The following HECTD2 variants were observed in gnomAD, a reference collection of about 807,000 sequenced individuals.
HECTD2 encodes the protein probable E3 ubiquitin-protein ligase HECTD2.
Under a neutral mutation model 103.2 loss-of-function variants are expected in HECTD2, and 35 were observed. The observed-to-expected ratio is 0.34, with a 90% CI of 0.26 to 0.45. The LOEUF is 0.45. Ranked by LOEUF, HECTD2 falls within the 20% of genes least tolerant of loss-of-function variation. The probability of loss-of-function intolerance (pLI) is 1.00; values close to 1 mark genes in which losing one functional copy is unlikely to be tolerated. For missense variants in HECTD2, 596 were observed against 937.4 expected, an observed-to-expected ratio of 0.64 and a Z score of 4.76; for synonymous variants, 281 against 329.9, an observed-to-expected ratio of 0.85 and a Z score of 1.61.
intron 20 of HECTD2, among the ~76,000 whole-genome samples, chr10:91,511,750 G>A (rs988400992): frequency 2.0e-5 from 3 of 152,108 alleles, no homozygotes; most frequent in Admixed American, 1.3e-4. Context: ...AGTAATGCTC[G>A]CCTGCCACTC....
chr10:91,415,634 A>G (rs1342361785), intron 1 of HECTD2, among the ~76,000 whole-genome samples: 1 of 152,094 alleles, frequency 6.6e-6, no homozygotes, highest in African/African-American at 2.4e-5. Context: ...GATGTTTCCG[A>G]CTCATGTTCT....
chr10:91,488,481 G>GT (rs1158295787), intron 11 of HECTD2: 6 of 152,020 alleles, frequency 3.9e-5, no homozygotes, highest in Non-Finnish European at 8.8e-5. Context: ...TAAACTATTT[G>GT]TTTAAGTGCT....
chr10:91,501,102 A>G (rs949876134), intron 19 of HECTD2, 89 bp from the exon 20 acceptor site: 1 of 1,114,224 alleles, frequency 9.0e-7, no homozygotes, highest in Non-Finnish European at 1.3e-6. Flanking sequence ...TGCTTAAGGA[A>G]AGTCCTTTCC....
intron 11 of HECTD2, among the ~76,000 whole-genome samples, chr10:91,490,465 C>G (rs1048565087): frequency 6.6e-6 from 1 of 152,024 alleles, no homozygotes; most frequent in Non-Finnish European, 1.5e-5. Flanking sequence ...GTAAAGTAGA[C>G]TAATTGTACC....
intron 2 of HECTD2, among the ~76,000 whole-genome samples, chr10:91,441,772 T>C (rs1844393640): frequency 9.8e-6 from 1 of 102,166 alleles, no homozygotes; most frequent in Non-Finnish European, 1.9e-5. Flanking sequence ...GTATTTAGGA[T>C]AGTTAATTCT....
chr10:91,462,900 T>A (rs1397882196), intron 5 of HECTD2: 1 of 310,350 alleles, frequency 3.2e-6, no homozygotes, highest in Non-Finnish European at 4.7e-6. Flanking sequence ...CTCTTGGTAA[T>A]GTTTTGTAGT....
At position 91,485,160 on chromosome 10, in the gene HECTD2, G is replaced by C; in HGVS notation, c.971-20G>C. The C allele has an allele frequency of 6.7e-7, 1 of 1,491,500 alleles. No homozygotes were observed. Among genetic ancestry groups the C allele is most frequent in the Non-Finnish European group, 9.1e-7 (1 of 1,103,002 alleles). The allele number at this position is 1,491,500 out of a possible 1,614,324, so 92.4% of individuals were successfully genotyped here. A position where few individuals can be genotyped will look rare whatever the true frequency, so the allele number is the denominator to read the frequency against. ...TGTACATGTTGGAAAAAGTCTTTAT[G>C]TTAGAATTTATCTTTACAGATACTG... On this transcript the variant is annotated intron_variant, in intron 9 of 20. Transcript: ENST00000298068.
At chr10:91,499,541 ACCTCAGGGCTC>A (rs1846811276) in intron 18 of HECTD2, among the ~76,000 whole-genome samples, 1 of 152,170 alleles carries the variant, frequency 6.6e-6, no homozygotes, top group Non-Finnish European at 1.5e-5. Context: ...GCTTCCTGCT[ACCTCAGGGCTC>A]CCTCAGCAAC....
In HECTD2 at chr10:91,491,243, T is replaced by C; in HGVS notation, c.1235T>C (p.Met412Thr). The C allele has an allele frequency of 1.3e-6, 2 of 1,585,932 alleles. No individual in the cohort carries two copies. Among genetic ancestry groups the C allele is most frequent in the Non-Finnish European group, 1.7e-6 (2 of 1,159,822 alleles). The change falls in exon 12 of 21, where the codon ATG becomes ACG. Residue 412 changes from methionine to threonine, a missense_variant. Physicochemically the swap from Met to Thr is moderately conservative, Grantham distance 81 (BLOSUM62 -1). Transcript: ENST00000298068. ...GTATCTCGAAGACAGAGACCTGATA[T>C]GAATATATTATTTCTAAATATGAAA... ...DKVSRRQRPD[M>T]NILFLNMKVR...
At chr10:91,470,756 C>G (rs1845694209) in intron 5 of HECTD2, among the ~76,000 whole-genome samples, 1 of 151,858 alleles carries the variant, frequency 6.6e-6, no homozygotes, top group African/African-American at 2.4e-5. Flanking sequence ...CTAAACAGAC[C>G]AATAATGAGC....
intron 5 of HECTD2, among the ~76,000 whole-genome samples, chr10:91,465,178 T>C (rs891284955): frequency 6.6e-6 from 1 of 152,134 alleles, no homozygotes; most frequent in Non-Finnish European, 1.5e-5. Flanking sequence ...AGTAAATATA[T>C]CAATGTTGCT....
At chr10:91,423,620 G>A (rs1217797089) in intron 1 of HECTD2, among the ~76,000 whole-genome samples, 1 of 152,156 alleles carries the variant, frequency 6.6e-6, no homozygotes, top group Non-Finnish European at 1.5e-5. Flanking sequence ...CACTTTAGGT[G>A]AGTCTCAGAC....
Position 91,461,328 on chromosome 10 carries a change from C to G in HECTD2, c.482C>G (p.Ser161Cys). 1.3e-6 allele frequency: 2 copies of G among 1,537,026 alleles called. No individual in the cohort carries two copies. The highest frequency in any genetic ancestry group is 1.8e-6 in the Non-Finnish European group (2 of 1,134,880). Residue 161 changes from serine to cysteine, a missense_variant, in exon 4 of 21, where the codon TCT (serine) becomes TGT (cysteine). Physicochemically the swap from Ser to Cys is moderately radical, Grantham distance 112. Coordinates refer to ENST00000298068, the MANE Select transcript of HECTD2 (RefSeq NM_182765.6). ...GATTTTTATCTAACAACGTTTGATT[C>G]TTTCCCAGAATTAAATGCTGCATTT... ...VHDFYLTTFD[S>C]FPELNAAFKK...
In HECTD2 at chr10:91,421,562, G is replaced by A. The variant is rs148182687; in HGVS notation, c.139-3719G>A. Among the ~76,000 whole-genome samples, 293 of 152,282 alleles carry A rather than the reference G, an allele frequency of 1.9e-3. 1 individual carries two copies. The highest frequency in any genetic ancestry group is 6.6e-3 in the African/African-American group (275 of 41,564). ...AAAGTTTATGAATTTGTGTTGGGCC[G>A]CATTCAAAGCCATCCTGGGCTGCAT... On this transcript the variant is annotated intron_variant, in intron 1 of 20. Transcript: ENST00000298068.
chr10:91,477,896 G>A (rs1263107273), intron 5 of HECTD2, among the ~76,000 whole-genome samples: 1 of 152,072 alleles, frequency 6.6e-6, no homozygotes, highest in Non-Finnish European at 1.5e-5. Context: ...TCATTACTCT[G>A]TCCTGTCGGG....
intron 7 of HECTD2, among the ~76,000 whole-genome samples, chr10:91,481,942 A>G (rs1846101912): frequency 6.6e-6 from 1 of 151,850 alleles, no homozygotes; most frequent in Non-Finnish European, 1.5e-5. Context: ...AAAGTGAGGA[A>G]AGAGGAAAAA....
rs889506498 is a variant in HECTD2 at position 91,514,409 on chromosome 10, A to C, written c.*2025A>C. 4.6e-5 allele frequency: 7 copies of C among 152,602 alleles called. No homozygotes were observed. The highest frequency in any genetic ancestry group is 1.7e-4 in the African/African-American group (7 of 41,464). The allele number at this position is 152,602 out of a possible 1,614,324, so 9.5% of individuals were successfully genotyped here. ...ACTAAATTGCACATTGCCTTTATTT[A>C]TTTGTGCTCTGTTTTTGGTTTACAG... is the stretch of plus-strand genomic sequence containing the variant. On this transcript the variant is annotated 3_prime_UTR_variant, in exon 21 of 21. Coordinates refer to ENST00000298068, the MANE Select transcript of HECTD2 (RefSeq NM_182765.6).
chr10:91,504,404 A>G (rs2133365104), intron 20 of HECTD2, among the ~76,000 whole-genome samples: 1 of 151,106 alleles, frequency 6.6e-6, no homozygotes, highest in South Asian at 2.1e-4. Flanking sequence ...ATGTATAACT[A>G]GAATAACCAA....
At chr10:91,440,124 G>A (rs567432071) in intron 2 of HECTD2, among the ~76,000 whole-genome samples, 6 of 152,110 alleles carry the variant, frequency 3.9e-5, no homozygotes, top group Non-Finnish European at 8.8e-5. Context: ...TGTTGAATAA[G>A]AGTAGTGAGA....
Sources: allele counts gnomAD v4.1 joint callset (sites outside exome capture counted in the v4.1 genomes callset), GRCh38; gene constraint gnomAD v4.1.1; transcripts MANE v1.5; gene names NCBI Gene and HGNC (gene_info 2026-07-23, HGNC 2026-07-21).